Variants in RBM20 observed in about 807,000 individuals in gnomAD.
RBM20 encodes the protein RNA binding motif protein 20.
In RBM20, 51 loss-of-function variants were observed where a neutral mutation model predicts 110.1. The ratio of observed to expected loss-of-function variants is 0.46; its 90% CI spans 0.37 to 0.59. The LOEUF is 0.59. Ranked by LOEUF, RBM20 falls within the 20% of genes least tolerant of loss-of-function variation. RBM20 has a pLI of 0.00. For synonymous variants in RBM20, 589 were observed against 618.2 expected, an observed-to-expected ratio of 0.95 and a Z score of 0.70; for missense variants, 1,512 against 1,574.9, an observed-to-expected ratio of 0.96 and a Z score of 0.68.
intron 12 of RBM20, among the ~76,000 whole-genome samples, chr10:110,829,226 G>A (rs371253053): frequency 6.6e-6 from 1 of 152,170 alleles, no homozygotes; most frequent in Non-Finnish European, 1.5e-5. Context: ...TTGTAACAAC[G>A]CAGGAAGGAG....
chr10:110,788,809 A>G (rs1304520920), intron 5 of RBM20, among the ~76,000 whole-genome samples: 1 of 152,162 alleles, frequency 6.6e-6, no homozygotes, highest in Non-Finnish European at 1.5e-5. Flanking sequence ...CAAAGATATC[A>G]CCCCAAAGAT....
chr10:110,724,013 C>A (rs1271773245), intron 1 of RBM20, among the ~76,000 whole-genome samples: 5 of 152,140 alleles, frequency 3.3e-5, no homozygotes, highest in Non-Finnish European at 7.4e-5. Context: ...CTATTCTAAA[C>A]AACTCTGCAG....
intron 1 of RBM20, among the ~76,000 whole-genome samples, chr10:110,657,098 C>A (rs900668056): frequency 1.3e-4 from 19 of 151,836 alleles, no homozygotes; most frequent in Non-Finnish European, 2.6e-4. Context: ...TTCACTGCAA[C>A]CTCTTCCTCC....
At chr10:110,801,476 G>A (rs900481750) in intron 7 of RBM20, among the ~76,000 whole-genome samples, 7 of 151,662 alleles carry the variant, frequency 4.6e-5, no homozygotes, top group African/African-American at 1.7e-4. Flanking sequence ...CTAACACATT[G>A]TCTTGTCCAA....
At chr10:110,669,862 CTCT>C (rs1440932169) in intron 1 of RBM20, among the ~76,000 whole-genome samples, 1 of 152,220 alleles carries the variant, frequency 6.6e-6, no homozygotes, top group African/African-American at 2.4e-5. Context: ...CTAAAAGGTA[CTCT>C]ACTGGCTTTT....
intron 1 of RBM20, among the ~76,000 whole-genome samples, chr10:110,762,376 C>G (rs1473545578): frequency 2.0e-5 from 3 of 152,212 alleles, no homozygotes; most frequent in African/African-American, 7.2e-5. Context: ...CGACATTGAA[C>G]TGAATTTTCA....
chr10:110,694,552 G>T (rs1181132239), intron 1 of RBM20, among the ~76,000 whole-genome samples: 1 of 152,128 alleles, frequency 6.6e-6, no homozygotes, highest in Non-Finnish European at 1.5e-5. Flanking sequence ...AGCAAAATGG[G>T]AATCTAACCA....
intron 9 of RBM20, among the ~76,000 whole-genome samples, chr10:110,814,109 G>A (rs112193115): frequency 1.1e-4 from 16 of 152,042 alleles, no homozygotes; most frequent in African/African-American, 2.7e-4. Context: ...TCTGACCTGG[G>A]AGTTGGTGAC....
intron 1 of RBM20, among the ~76,000 whole-genome samples, chr10:110,679,260 G>A (rs1001699954): frequency 6.6e-6 from 1 of 151,866 alleles, no homozygotes; most frequent in Non-Finnish European, 1.5e-5. Context: ...GTCTTGCTCT[G>A]TTGCCCAAGT....
chr10:110,816,418 C>G (rs1844841470), intron 9 of RBM20, among the ~76,000 whole-genome samples: 1 of 151,308 alleles, frequency 6.6e-6, no homozygotes, highest in African/African-American at 2.4e-5. Context: ...TCCCTCCCCG[C>G]CACTGCAGAC....
chr10:110,785,152 A>G (rs966461250), intron 5 of RBM20, among the ~76,000 whole-genome samples: 2 of 152,118 alleles, frequency 1.3e-5, no homozygotes, highest in African/African-American at 4.8e-5. Flanking sequence ...GTCACCCTGA[A>G]ATGCTTGTTG....
At chr10:110,709,077 T>G (rs937519080) in intron 1 of RBM20, among the ~76,000 whole-genome samples, 5 of 152,194 alleles carry the variant, frequency 3.3e-5, no homozygotes, top group African/African-American at 1.2e-4. Context: ...CATCCCTCAA[T>G]AGCAGGTCAG....
At chr10:110,831,960 A>G (rs539500847) in intron 13 of RBM20, among the ~76,000 whole-genome samples, 3 of 152,348 alleles carry the variant, frequency 2.0e-5, no homozygotes, top group East Asian at 3.9e-4. Context: ...GTAAGGCACC[A>G]CTATTTTTTG....
chr10:110,702,990 T>TG (rs1862781600), intron 1 of RBM20, among the ~76,000 whole-genome samples: 4 of 111,712 alleles, frequency 3.6e-5, no homozygotes, highest in Non-Finnish European at 5.4e-5. Flanking sequence ...TTTTTTTTCT[T>TG]GTTTTTTTTT....
At chr10:110,686,634 A>T (rs1266079126) in intron 1 of RBM20, among the ~76,000 whole-genome samples, 1 of 152,178 alleles carries the variant, frequency 6.6e-6, no homozygotes, top group Non-Finnish European at 1.5e-5. Flanking sequence ...CTAAAAAAAA[A>T]TAATAAAATA....
At chr10:110,656,638 C>T (rs1862030093) in intron 1 of RBM20, among the ~76,000 whole-genome samples, 1 of 152,228 alleles carries the variant, frequency 6.6e-6, no homozygotes, top group Non-Finnish European at 1.5e-5. Flanking sequence ...ATTCCCACCT[C>T]TCCCCAGTCC....
intron 5 of RBM20, among the ~76,000 whole-genome samples, chr10:110,791,725 C>T (rs1442859244): frequency 1.3e-5 from 2 of 152,172 alleles, no homozygotes; most frequent in Non-Finnish European, 2.9e-5. Flanking sequence ...GCCCAGGCCC[C>T]CGATCCCATG....
At chr10:110,835,823 C>T in intron 13 of RBM20, 45 bp from the exon 14 acceptor site, 1 of 1,541,762 alleles carries the variant, frequency 6.5e-7, no homozygotes, top group Non-Finnish European at 8.8e-7. Flanking sequence ...CATCTAGGTC[C>T]CTACTAACAT....
At chr10:110,661,066 T>C (rs1244186450) in intron 1 of RBM20, among the ~76,000 whole-genome samples, 1 of 152,190 alleles carries the variant, frequency 6.6e-6, no homozygotes, top group African/African-American at 2.4e-5. Context: ...TAGGAGCAAT[T>C]CCTGACACCT....
Sources: allele counts gnomAD v4.1 joint callset (sites outside exome capture counted in the v4.1 genomes callset), GRCh38; gene constraint gnomAD v4.1.1; transcripts MANE v1.5; gene names NCBI Gene and HGNC (gene_info 2026-07-23, HGNC 2026-07-21).